ATP2B2: variants seen among roughly 807,000 people sequenced by gnomAD.
ATP2B2 encodes plasma membrane calcium-transporting ATPase 2.
Under a neutral mutation model 120.0 loss-of-function variants are expected in ATP2B2, and 15 were observed. That is an observed-to-expected ratio of 0.12 (90% CI 0.08 to 0.19). The LOEUF (loss-of-function observed/expected upper bound fraction) is 0.19, where lower values mean the gene tolerates loss of function less well. Among genes scored for constraint, ATP2B2 ranks in the 10% least tolerant of loss-of-function variants. The pLI is 1.00. For missense variants in ATP2B2, 1,045 were observed against 1,719.8 expected (o/e 0.61, Z 6.94); for synonymous variants, 694 against 700.3 (o/e 0.99, Z 0.14).
At chr3:10,454,314 A>AT (rs113036246) in intron 1 of ATP2B2, among the ~76,000 whole-genome samples, 2,040 of 151,928 alleles carry the variant, frequency 0.013, 44 homozygotes, top group African/African-American at 0.046. Flanking sequence ...CCAAGTAGGG[A>AT]TTTTTTTTTC....
chr3:10,545,589 A>G (rs192293775), intron 2 of ATP2B2, among the ~76,000 whole-genome samples: 4 of 152,272 alleles, frequency 2.6e-5, no homozygotes, highest in Admixed American at 2.6e-4. Context: ...AAACCCAACC[A>G]TTTTAAGAAA....
Position 10,340,724 on chromosome 3 carries a change from G to T in ATP2B2, c.2918-20C>A. ...TCTCGCCTGCCAAGTGAGAGAGTGG[G>T]GCTGGGCTGAAGGCAGTGGTGGGGG... On this transcript the variant is annotated intron_variant, in intron 19 of 22. Coordinates refer to ENST00000360273, the MANE Select transcript of ATP2B2 (RefSeq NM_001001331.4). This position sits in a 1 kb window ranked among gnomAD's most constrained non-coding sequence, Gnocchi z 5.0. 1 of 1,613,670 alleles carries T rather than the reference G, an allele frequency of 6.2e-7. No individual in the cohort carries two copies. The highest frequency in any genetic ancestry group is 1.3e-5 in the African/African-American group (1 of 75,038).
chr3:10,442,983 C>T (rs1038364662), intron 2 of ATP2B2, among the ~76,000 whole-genome samples: 1 of 152,162 alleles, frequency 6.6e-6, no homozygotes, highest in African/African-American at 2.4e-5. Flanking sequence ...AGAAGTGGTG[C>T]CAGGATTTGC....
intron 10 of ATP2B2, among the ~76,000 whole-genome samples, chr3:10,376,381 G>A (rs771120117): frequency 2.6e-5 from 4 of 152,212 alleles, no homozygotes; most frequent in Non-Finnish European, 4.4e-5. Flanking sequence ...GACACCAGTC[G>A]CATGGTGACC....
At chr3:10,409,766 C>T (rs766329607) in intron 3 of ATP2B2, among the ~76,000 whole-genome samples, 10 of 151,894 alleles carry the variant, frequency 6.6e-5, no homozygotes, top group Non-Finnish European at 1.3e-4. Flanking sequence ...AAAATGAGGC[C>T]CATAATGTTA....
intron 1 of ATP2B2, among the ~76,000 whole-genome samples, chr3:10,487,559 G>A (rs376211624): frequency 6.6e-6 from 1 of 152,206 alleles, no homozygotes; most frequent in Admixed American, 6.5e-5. Flanking sequence ...AGCCCTGATG[G>A]GGGTTGAAGA....
intron 1 of ATP2B2, among the ~76,000 whole-genome samples, chr3:10,475,223 T>C (rs928192519): frequency 1.8e-4 from 27 of 152,350 alleles, no homozygotes; most frequent in Admixed American, 6.5e-4. Context: ...ATCAAGTTCA[T>C]CTTTCTTCAC....
chr3:10,533,341 G>T (rs1254687270), intron 3 of ATP2B2, among the ~76,000 whole-genome samples: 1 of 152,150 alleles, frequency 6.6e-6, no homozygotes, highest in East Asian at 1.9e-4. Context: ...CTATTCATTT[G>T]GTAAGTATTT....
chr3:10,352,293 CCT>C (rs2060600938), intron 14 of ATP2B2, among the ~76,000 whole-genome samples: 1 of 152,212 alleles, frequency 6.6e-6, no homozygotes, highest in Non-Finnish European at 1.5e-5. Flanking sequence ...CTGCCTGGCC[CCT>C]CTTTCCTTAC....
At chr3:10,597,063 C>CCA (rs58466640) in intron 2 of ATP2B2, among the ~76,000 whole-genome samples, 85,344 of 142,644 alleles carry the variant, frequency 0.6, 24,886 homozygotes, top group Middle Eastern at 0.77. Flanking sequence ...ACACACAGGG[C>CCA]CACACACACA....
intron 1 of ATP2B2, among the ~76,000 whole-genome samples, chr3:10,491,859 A>G (rs1233994665): frequency 6.6e-6 from 1 of 152,238 alleles, no homozygotes; most frequent in Non-Finnish European, 1.5e-5. Context: ...ATGTACCATG[A>G]AGAAAGAAAA....
At chr3:10,389,958 GCTGGAAGAAT>G (rs951875174) in intron 5 of ATP2B2, among the ~76,000 whole-genome samples, 1 of 152,160 alleles carries the variant, frequency 6.6e-6, no homozygotes, top group Non-Finnish European at 1.5e-5. Context: ...TTTGATTGGT[GCTGGAAGAAT>G]CTGGATGCTG....
At position 10,473,949 on chromosome 3, in the gene ATP2B2, G is replaced by A. The variant is rs984172729; in HGVS notation, c.-319-24087C>T. 2.6e-5 allele frequency among the ~76,000 whole-genome samples: 4 copies of A among 152,228 alleles called. No homozygotes were observed. In the South Asian group the frequency reaches 8.3e-4, roughly 31 times the overall value. On this transcript the variant is annotated intron_variant, in intron 1 of 22. Transcript: ENST00000360273. ...TGAGAGATGCCTCTAAAGAATTTTA[G>A]GTGATAGATTAACGTACTTTTCCCT...
chr3:10,442,072 G>C (rs1001248293), intron 2 of ATP2B2, among the ~76,000 whole-genome samples: 3 of 152,168 alleles, frequency 2.0e-5, no homozygotes, highest in Non-Finnish European at 4.4e-5. Context: ...TCCTACTCAA[G>C]GGGCTGCTGT....
intron 3 of ATP2B2, among the ~76,000 whole-genome samples, chr3:10,532,510 C>A (rs1406218102): frequency 1.3e-5 from 2 of 152,228 alleles, no homozygotes; most frequent in African/African-American, 4.8e-5. Flanking sequence ...GTCACCGCCT[C>A]TCCCTGAGGA....
At chr3:10,555,674 G>A (rs368653864) in intron 2 of ATP2B2, among the ~76,000 whole-genome samples, 5 of 152,232 alleles carry the variant, frequency 3.3e-5, no homozygotes, top group African/African-American at 1.2e-4. Context: ...TGAATGGGAG[G>A]AATAGCAGCA....
At chr3:10,483,382 CCTAT>C (rs113117930) in intron 1 of ATP2B2, among the ~76,000 whole-genome samples, 9 of 152,330 alleles carry the variant, frequency 5.9e-5, no homozygotes, top group African/African-American at 1.9e-4. Flanking sequence ...TGTGTCCCTA[CCTAT>C]CTAACAACTA....
chr3:10,585,480 CGAGACTCCGTCT>C (rs1559471850), intron 2 of ATP2B2, among the ~76,000 whole-genome samples: 21 of 98,298 alleles, frequency 2.1e-4, no homozygotes, highest in African/African-American at 8.9e-4. Context: ...GGCGACAGAG[CGAGACTCCGTCT>C]GAAAAAAAAA....
At chr3:10,686,427 G>C (rs1391957737) in intron 1 of ATP2B2, among the ~76,000 whole-genome samples, 2 of 152,156 alleles carry the variant, frequency 1.3e-5, no homozygotes, top group Non-Finnish European at 2.9e-5. Context: ...GGCCGAGGCG[G>C]GCGGATTGCA....
Sources: gnomAD v4.1 joint callset for allele counts (sites outside exome capture counted in the v4.1 genomes callset) on GRCh38, gnomAD v4.1.1 for gene constraint, Gnocchi (gnomAD v3.1) non-coding constraint, MANE v1.5 for transcripts, NCBI Gene and HGNC (gene_info 2026-07-23, HGNC 2026-07-21) for gene names.